GHR: variants seen among roughly 807,000 people sequenced by gnomAD.
GHR encodes growth hormone receptor.
Under a neutral mutation model 67.1 loss-of-function variants are expected in GHR, and 35 were observed. The ratio of observed to expected loss-of-function variants is 0.52; its 90% CI spans 0.40 to 0.69. The LOEUF (loss-of-function observed/expected upper bound fraction) is 0.69, where lower values mean the gene tolerates loss of function less well. Among genes scored for constraint, GHR ranks in the 30% least tolerant of loss-of-function variants. The pLI, the probability that GHR is intolerant of heterozygous loss-of-function variation, is 0.00. For missense variants in GHR, 792 were observed against 764.6 expected (o/e 1.04, Z -0.42); for synonymous variants, 272 against 269.1 (o/e 1.01, Z -0.10).
intron 1 of GHR, among the ~76,000 whole-genome samples, chr5:42,476,223 T>A (rs993742718): frequency 2.1e-5 from 3 of 142,278 alleles, no homozygotes; most frequent in Non-Finnish European, 4.6e-5. Context: ...TTTTTTGTTT[T>A]TGTTTTTGTT....
chr5:42,668,194 TG>T (rs375938024), intron 3 of GHR, among the ~76,000 whole-genome samples: 8 of 152,236 alleles, frequency 5.3e-5, no homozygotes, highest in African/African-American at 1.9e-4. Context: ...TATTTTTCTT[TG>T]TTGGACAGAA....
intron 2 of GHR, among the ~76,000 whole-genome samples, chr5:42,576,943 G>GT (rs1482677360): frequency 2.0e-5 from 3 of 152,248 alleles, no homozygotes; most frequent in African/African-American, 7.2e-5. Context: ...ACCTGGTATA[G>GT]TTACTGGTAA....
At chr5:42,565,311 C>G (rs1382490554) in intron 1 of GHR, 2 of 261,074 alleles carry the variant, frequency 7.7e-6, no homozygotes, top group Non-Finnish European at 1.2e-5. Context: ...CCTTTTGCTT[C>G]CCTCCTTCTT....
rs540260101 is a variant in GHR, at chr5:42,541,904, A to C, written c.-11-23960A>C. On this transcript the variant is annotated intron_variant, in intron 1 of 9. Transcript: ENST00000230882. ...ATGAATAGATTAGGAAGTAAAATTG[A>C]AAGTCTGGTTATGGGTTTTATAAGT... 4.6e-5 allele frequency among the ~76,000 whole-genome samples: 7 copies of C among 152,314 alleles called. No individual in the cohort carries two copies. In the East Asian group the frequency reaches 1.3e-3, roughly 29 times the overall value.
chr5:42,701,605 G>A lies in GHR; in HGVS notation c.618+1603G>A, dbSNP rs144026873. On this transcript the variant is annotated intron_variant, in intron 6 of 9. Coordinates refer to ENST00000230882, the MANE Select transcript of GHR (RefSeq NM_000163.5). ...TGTCAAAAAAGAATGAGGCAAGCTT[G>A]TCGCTTCAAGAAAAACAACTGACAG... is the stretch of plus-strand genomic sequence containing the variant. 4.6e-5 allele frequency among the ~76,000 whole-genome samples: 7 copies of A among 152,236 alleles called. No homozygotes were observed. The East Asian group carries it at 1.4e-3, about 29-fold the overall frequency.
In GHR at chr5:42,688,941, CTT is replaced by C. The variant is rs1194378231; in HGVS notation, c.192_193del (p.Ser65MetfsTer6). The C allele has an allele frequency of 3.1e-6, 5 of 1,613,180 alleles. No individual in the cohort carries two copies. The highest frequency in any genetic ancestry group is 3.4e-6 in the Non-Finnish European group (4 of 1,179,262). On this transcript the variant is annotated frameshift_variant, in exon 4 of 10. Coordinates refer to ENST00000230882, the MANE Select transcript of GHR (RefSeq NM_000163.5). LOFTEE classifies it high-confidence loss of function. ...AAGTGCCGTTCACCTGAGCGAGAGACTTTTTCATGCCACTGGACAGATGAGGT... is the reference window on the plus strand; with the variant it reads ...AAGTGCCGTTCACCTGAGCGAGAGACTTTCATGCCACTGGACAGATGAGGT...
chr5:42,561,627 C>A (rs377413856), intron 1 of GHR, among the ~76,000 whole-genome samples: 47 of 152,172 alleles, frequency 3.1e-4, no homozygotes, highest in African/African-American at 1.1e-3. Flanking sequence ...CTGCATTACG[C>A]TGGTTTTGAA....
intron 1 of GHR, among the ~76,000 whole-genome samples, chr5:42,534,473 T>C (rs1470094844): frequency 2.0e-5 from 3 of 146,602 alleles, no homozygotes; most frequent in Non-Finnish European, 3.0e-5. Context: ...TATGTACATA[T>C]GTATATGTGT....
Position 42,468,620 on chromosome 5 carries a change from G to T in GHR, c.-12+44665G>T, listed in dbSNP as rs1032605934. 15 of 1,051,970 alleles carry T rather than the reference G, an allele frequency of 1.4e-5. No individual in the cohort carries two copies. The African/African-American group carries it at 2.2e-4, about 16-fold the overall frequency. 65.2% of individuals were successfully genotyped at this position (1,051,970 alleles called of 1,614,324 possible). A position where few individuals can be genotyped will look rare whatever the true frequency, so the allele number is the denominator to read the frequency against. ...CCTGTCAACCACGCCAACGCTGGAG[G>T]GCAGCGGGTTCTTGCTGTCTTTCTG... On this transcript the variant is annotated intron_variant, in intron 1 of 9. Coordinates refer to ENST00000230882, the MANE Select transcript of GHR (RefSeq NM_000163.5).
intron 4 of GHR, among the ~76,000 whole-genome samples, chr5:42,691,188 A>G (rs948914483): frequency 1.3e-5 from 2 of 152,246 alleles, no homozygotes; most frequent in Non-Finnish European, 2.9e-5. Context: ...GTAAAGGGAA[A>G]CGTTCAGACA....
chr5:42,548,575 TAGTC>T (rs1748849753), intron 1 of GHR: 7 of 817,854 alleles, frequency 8.6e-6, no homozygotes, highest in Admixed American at 6.2e-5. Flanking sequence ...AAAAGGCTGA[TAGTC>T]AGGGTTTTTT....
intron 2 of GHR, among the ~76,000 whole-genome samples, chr5:42,623,106 A>G (rs1476932921): frequency 6.6e-6 from 1 of 152,176 alleles, no homozygotes; most frequent in Non-Finnish European, 1.5e-5. Context: ...AATGATAAGC[A>G]TATATAACAC....
chr5:42,467,504 C>G (rs1190114044), intron 1 of GHR: 2 of 1,121,624 alleles, frequency 1.8e-6, no homozygotes, highest in Non-Finnish European at 2.7e-6. Context: ...TGGTGCCGAG[C>G]AAGTTGTGAG....
At chr5:42,492,999 T>A (rs1446582029) in intron 1 of GHR, among the ~76,000 whole-genome samples, 1 of 152,164 alleles carries the variant, frequency 6.6e-6, no homozygotes, top group Non-Finnish European at 1.5e-5. Flanking sequence ...AACAGGAATG[T>A]GTAATGGGAA....
intron 1 of GHR, among the ~76,000 whole-genome samples, chr5:42,549,041 C>A (rs1262671489): frequency 6.6e-6 from 1 of 152,220 alleles, no homozygotes; most frequent in East Asian, 1.9e-4. Flanking sequence ...AGTGATACCA[C>A]AATTGCATGT....
chr5:42,467,232 AGT>A lies in GHR; in HGVS notation c.-12+43281_-12+43282del. On this transcript the variant is annotated intron_variant, in intron 1 of 9. Coordinates refer to ENST00000230882, the MANE Select transcript of GHR (RefSeq NM_000163.5). The stretch of plus-strand genomic sequence containing the variant: ...CACTGCAGTCATAAGGTTTCTCTGC[AGT>A]GTGAATTATCTGGTACATAATAAGG... 2.8e-6 allele frequency: 4 copies of A among 1,442,050 alleles called. No individual in the cohort carries two copies. In the South Asian group the frequency reaches 4.6e-5, roughly 17 times the overall value. 89.3% of individuals were successfully genotyped at this position (1,442,050 alleles called of 1,614,324 possible).
rs561964741 is a variant in GHR at position 42,663,439 on chromosome 5, T to C, written c.137-25451T>C. Among the ~76,000 whole-genome samples the C allele has an allele frequency of 3.6e-4, 55 of 152,294 alleles. 5 individuals carry two copies. The highest frequency in any genetic ancestry group is 1.2e-3 in the African/African-American group (48 of 41,580). ...TCCCTGGGATGCAAGGCTGGTTCAATATTTGCAAATCAATAAATGTAATCC... is the reference window on the plus strand; with the variant it reads ...TCCCTGGGATGCAAGGCTGGTTCAACATTTGCAAATCAATAAATGTAATCC... On this transcript the variant is annotated intron_variant, in intron 3 of 9. Transcript: ENST00000230882.
At chr5:42,470,085 C>T (rs990582854) in intron 1 of GHR, among the ~76,000 whole-genome samples, 1 of 138,158 alleles carries the variant, frequency 7.2e-6, no homozygotes, top group Non-Finnish European at 1.6e-5. Context: ...ATGTAAATAA[C>T]ATATTATATT....
intron 2 of GHR, among the ~76,000 whole-genome samples, chr5:42,609,913 G>A (rs1307945515): frequency 6.6e-6 from 1 of 152,142 alleles, no homozygotes; most frequent in African/African-American, 2.4e-5. Context: ...AAACCTTAAA[G>A]GATAAATTGG....
Sources: gnomAD v4.1 joint callset for allele counts (sites outside exome capture counted in the v4.1 genomes callset) on GRCh38, gnomAD v4.1.1 for gene constraint, MANE v1.5 for transcripts, NCBI Gene and HGNC (gene_info 2026-07-23, HGNC 2026-07-21) for gene names.